CES4A: variants seen among roughly 807,000 people sequenced by gnomAD.
CES4A encodes carboxylesterase 6.
Under a neutral mutation model 65.4 loss-of-function variants are expected in CES4A, and 48 were observed. The observed-to-expected ratio is 0.73, with a 90% CI of 0.58 to 0.93. The LOEUF is 0.93. Among genes scored for constraint, CES4A ranks in the 40% least tolerant of loss-of-function variants. CES4A has a pLI of 0.00. For missense variants in CES4A, 685 were observed against 728.5 expected (o/e 0.94, Z 0.69); for synonymous variants, 247 against 281.8 (o/e 0.88, Z 1.24).
At chr16:66,993,715 G>A (rs1406147669) in intron 1 of CES4A, among the ~76,000 whole-genome samples, 2 of 152,242 alleles carry the variant, frequency 1.3e-5, no homozygotes, top group Non-Finnish European at 2.9e-5. Context: ...ATGTACATGT[G>A]AGTATTAGAT....
intron 2 of CES4A, among the ~76,000 whole-genome samples, chr16:66,998,468 A>T (rs2145612036): frequency 6.6e-6 from 1 of 152,156 alleles, no homozygotes; most frequent in East Asian, 1.9e-4. Flanking sequence ...GCGTGCTTGT[A>T]GTCCTAGCTA....
intron 1 of CES4A, among the ~76,000 whole-genome samples, 162 bp downstream of exon 1, chr16:66,988,992 G>T (rs186612547): frequency 3.9e-5 from 6 of 152,330 alleles, no homozygotes; most frequent in Non-Finnish European, 5.9e-5. Flanking sequence ...CCATCTACCA[G>T]CTGGGAGTCT....
At position 67,003,595 on chromosome 16, in the gene CES4A, C is replaced by T. The variant is rs1490833170; in HGVS notation, c.939+42C>T. On this transcript the variant is annotated intron_variant, in intron 8 of 13. Coordinates refer to ENST00000648724, the Ensembl canonical transcript of CES4A. This position sits in a 1 kb window ranked among gnomAD's most constrained non-coding sequence, Gnocchi z 4.2. ...CTGCAATTTGAGTATTTATTTAACACCTACTTTGTGCCAGGCACTTGGGAT... is the reference window on the plus strand; with the variant it reads ...CTGCAATTTGAGTATTTATTTAACATCTACTTTGTGCCAGGCACTTGGGAT... 2.0e-6 allele frequency: 3 copies of T among 1,535,042 alleles called. No individual in the cohort carries two copies. The highest frequency in any genetic ancestry group is 2.7e-6 in the Non-Finnish European group (3 of 1,108,154).
chr16:66,994,323 G>A (rs377740713), intron 1 of CES4A, among the ~76,000 whole-genome samples: 10 of 146,772 alleles, frequency 6.8e-5, no homozygotes, highest in Admixed American at 2.7e-4. Flanking sequence ...TGCAACCTCC[G>A]CTCCTGGGTT....
At position 66,999,626 on chromosome 16, in the gene CES4A, AC is replaced by A. The variant is rs1219239337; in HGVS notation, c.261-1008del. ...AGACCAGCCTGGCCAACATGGTGAAACCCCGACTCTACTAAAAATACAAAAA... is the reference window on the plus strand; with the variant it reads ...AGACCAGCCTGGCCAACATGGTGAAACCCGACTCTACTAAAAATACAAAAA... On this transcript the variant is annotated intron_variant, in intron 2 of 13. Transcript: ENST00000648724. Among the ~76,000 whole-genome samples the A allele has an allele frequency of 4.6e-5, 7 of 152,104 alleles. No homozygotes were observed. In the East Asian group the frequency reaches 1.4e-3, roughly 29 times the overall value.
At chr16:66,988,943 G>T (rs1483771550) in intron 1 of CES4A, 113 bp downstream of exon 1, 17 of 1,280,476 alleles carry the variant, frequency 1.3e-5, no homozygotes, top group Non-Finnish European at 1.8e-5. Context: ...ACTTAGACAA[G>T]GCCTGGGCAA....
At position 67,003,606 on chromosome 16, in the gene CES4A, C is replaced by T; in HGVS notation, c.939+53C>T. On this transcript the variant is annotated intron_variant, in intron 8 of 13. Transcript: ENST00000648724. The surrounding 1 kb of genome is among the most constrained non-coding windows in gnomAD (Gnocchi z 4.2). Reference sequence around the variant, plus strand: ...GTATTTATTTAACACCTACTTTGTGCCAGGCACTTGGGATACTTAGGGAAT... The same window carrying T: ...GTATTTATTTAACACCTACTTTGTGTCAGGCACTTGGGATACTTAGGGAAT... 6.9e-7 allele frequency: 1 copy of T among 1,443,628 alleles called. No homozygotes were observed. The highest frequency in any genetic ancestry group is 1.4e-5 in the African/African-American group (1 of 71,576). 89.4% of individuals were successfully genotyped at this position (1,443,628 alleles called of 1,614,324 possible). A position where few individuals can be genotyped will look rare whatever the true frequency, so the allele number is the denominator to read the frequency against.
At chr16:66,988,864 C>T in intron 1 of CES4A, 34 bp downstream of exon 1, 1 of 1,543,710 alleles carries the variant, frequency 6.5e-7, no homozygotes, top group Non-Finnish European at 8.7e-7. Flanking sequence ...GAGTGTCAGG[C>T]AAGACGGGCA....
chr16:67,006,903 G>A (rs1965807793), intron 13 of CES4A, 86 bp downstream of exon 13: 1 of 1,339,076 alleles, frequency 7.5e-7, no homozygotes, highest in Non-Finnish European at 1.1e-6. Context: ...ATTTGCCCCA[G>A]CATGTCCTAC....
exon 10 of CES4A, chr16:67,004,813 C>T (rs1965626630): frequency 1.3e-6 from 2 of 1,536,076 alleles, no homozygotes; most frequent in African/African-American, 1.4e-5. Context: ...TCCCGCTAAA[C>T]CGGCAGGCGA....
In CES4A at chr16:67,001,213, C is replaced by T; in HGVS notation, c.537-95C>T. 2.1e-6 allele frequency: 3 copies of T among 1,421,464 alleles called. No individual in the cohort carries two copies. The highest frequency in any genetic ancestry group is 2.5e-5 in the East Asian group (1 of 40,364). 88.1% of individuals were successfully genotyped at this position (1,421,464 alleles called of 1,614,324 possible). On this transcript the variant is annotated intron_variant, in intron 4 of 13. Coordinates refer to ENST00000648724, the Ensembl canonical transcript of CES4A. The surrounding 1 kb of genome is among the most constrained non-coding windows in gnomAD (Gnocchi z 4.1). ...GTCGCAGGACTGGGTCTTAGAGGGG[C>T]AAGGCTGGGCTGGGTGGGGGAAGCC... is the stretch of plus-strand genomic sequence containing the variant.
intron 13 of CES4A, chr16:67,007,849 ATCTCAGC>A (rs2145674966): frequency 6.6e-6 from 1 of 151,840 alleles, no homozygotes; most frequent in South Asian, 2.1e-4. Flanking sequence ...CAGTGGTGCA[ATCTCAGC>A]TCACTGCAAG....
chr16:67,005,626 C>A (rs1043026940), intron 11 of CES4A: 1 of 462,706 alleles, frequency 2.2e-6, no homozygotes, highest in South Asian at 2.8e-5. Flanking sequence ...GTGGGTGGAT[C>A]ATTTGAGGCC....
rs760819447 is a variant in CES4A, at chr16:67,003,586, T to G, written c.939+33T>G. The G allele has an allele frequency of 7.6e-6, 12 of 1,571,194 alleles. No homozygotes were observed. Among genetic ancestry groups the G allele is most frequent in the Non-Finnish European group, 1.1e-5 (12 of 1,141,018 alleles). On this transcript the variant is annotated intron_variant, in intron 8 of 13. Transcript: ENST00000648724. The surrounding 1 kb of genome is among the most constrained non-coding windows in gnomAD (Gnocchi z 4.2). ...GGCCACATTCTGCAATTTGAGTATT[T>G]ATTTAACACCTACTTTGTGCCAGGC...
At chr16:66,999,695 G>T (rs1200317592) in intron 2 of CES4A, among the ~76,000 whole-genome samples, 1 of 152,216 alleles carries the variant, frequency 6.6e-6, no homozygotes, top group African/African-American at 2.4e-5. Context: ...CCAGCTACTT[G>T]CAAGATTGAG....
intron 1 of CES4A, among the ~76,000 whole-genome samples, chr16:66,990,872 T>C (rs1478056531): frequency 6.6e-6 from 1 of 152,174 alleles, no homozygotes; most frequent in Non-Finnish European, 1.5e-5. Context: ...TAAATGATGC[T>C]TCCAGTATTC....
At chr16:67,005,345 GATGCCACTTTCGTGT>G in exon 11 of CES4A, 1 of 1,614,172 alleles carries the variant, frequency 6.2e-7, no homozygotes, top group Non-Finnish European at 8.5e-7. Context: ...CATAGTTCAA[GATGCCACTTTCGTGT>G]ATGCCACACT....
chr16:67,004,954 G>T, intron 10 of CES4A, 81 bp downstream of exon 10: 1 of 1,104,726 alleles, frequency 9.1e-7, no homozygotes, highest in Non-Finnish European at 1.3e-6. Flanking sequence ...GCTGCTCTTT[G>T]CAAAGGGGCT....
At position 66,997,903 on chromosome 16, in the gene CES4A, T is replaced by A. The variant is rs191440545; in HGVS notation, c.260+2074T>A. 1.6e-3 allele frequency among the ~76,000 whole-genome samples: 239 copies of A among 151,096 alleles called. 1 individual carries two copies. Among genetic ancestry groups the A allele is most frequent in the Non-Finnish European group, 3.1e-3 (209 of 67,844 alleles). On this transcript the variant is annotated intron_variant, in intron 2 of 13. Coordinates refer to ENST00000648724, the Ensembl canonical transcript of CES4A. ...GCTTGGGCTTGGGAGGTTATGATCGTGCCACTCACACTTAGCCTGAGAGAC... is the reference window on the plus strand; with the variant it reads ...GCTTGGGCTTGGGAGGTTATGATCGAGCCACTCACACTTAGCCTGAGAGAC...
Sources: gnomAD v4.1 joint callset for allele counts (sites outside exome capture counted in the v4.1 genomes callset) on GRCh38, gnomAD v4.1.1 for gene constraint, Gnocchi (gnomAD v3.1) non-coding constraint, MANE v1.5 for transcripts, NCBI Gene and HGNC (gene_info 2026-07-23, HGNC 2026-07-21) for gene names.